SNX1: variants seen among roughly 807,000 people sequenced by gnomAD.
SNX1 encodes the protein sorting nexin-1.
In SNX1, 36 loss-of-function variants were observed where a neutral mutation model predicts 71.8. The ratio of observed to expected loss-of-function variants is 0.50; its 90% CI spans 0.38 to 0.66. The LOEUF is 0.66. Ranked by LOEUF, SNX1 falls within the 30% of genes least tolerant of loss-of-function variation. SNX1 has a pLI of 0.00. For synonymous variants in SNX1, 254 were observed against 240.7 expected, an observed-to-expected ratio of 1.06 and a Z score of -0.51; for missense variants, 612 against 646.7, an observed-to-expected ratio of 0.95 and a Z score of 0.58.
intron 14 of SNX1, 44 bp from the exon 15 acceptor site, chr15:64,137,524 C>T: frequency 1.2e-6 from 2 of 1,612,040 alleles, no homozygotes; most frequent in Non-Finnish European, 1.7e-6. Flanking sequence ...TTAGGCTCTG[C>T]CACTAGGTGG....
At chr15:64,102,316 T>C (rs1172254838) in intron 1 of SNX1, among the ~76,000 whole-genome samples, 2 of 152,200 alleles carry the variant, frequency 1.3e-5, no homozygotes, top group Non-Finnish European at 2.9e-5. Flanking sequence ...GGTATTTTGA[T>C]ATCTGTATAC....
In SNX1 at chr15:64,103,882, CTTAG is replaced by C. The variant is rs554966437; in HGVS notation, c.159+7713_159+7716del. On this transcript the variant is annotated intron_variant, in intron 1 of 14. Coordinates refer to ENST00000559844, the MANE Select transcript of SNX1 (RefSeq NM_003099.5). ...AGTATCTTTAAACAAAGGTGTATCA[CTTAG>C]TTTGTTTAGTTACTAGTTTAGTCAT... Among the ~76,000 whole-genome samples, 513 of 152,248 alleles carry C rather than the reference CTTAG, an allele frequency of 3.4e-3. 4 individuals are homozygous for C. Among genetic ancestry groups the C allele is most frequent in the Non-Finnish European group, 3.3e-3 (222 of 68,022 alleles).
At chr15:64,107,814 A>G (rs2081037600) in intron 1 of SNX1, among the ~76,000 whole-genome samples, 1 of 152,108 alleles carries the variant, frequency 6.6e-6, no homozygotes, top group Non-Finnish European at 1.5e-5. Context: ...TTCATCACAG[A>G]GAATAGTTTC....
rs1199954228 is a variant in SNX1, at chr15:64,095,987, T to G, written c.-27T>G. The G allele has an allele frequency of 1.9e-6, 3 of 1,590,730 alleles. No homozygotes were observed. Among genetic ancestry groups the G allele is most frequent in the Non-Finnish European group, 2.6e-6 (3 of 1,172,540 alleles). The stretch of plus-strand genomic sequence containing the variant: ...CGCTATCTCTCGATAAAGTTGTTGT[T>G]GCGGCTTCCGCCGCGGGTGGAAGAA... On this transcript the variant is annotated 5_prime_UTR_variant, in exon 1 of 15. Coordinates refer to ENST00000559844, the MANE Select transcript of SNX1 (RefSeq NM_003099.5).
rs1479437159 is a variant in SNX1, at chr15:64,141,083, G to A, written c.*3465G>A. The A allele has an allele frequency of 6.6e-6, 1 of 152,144 alleles. No homozygotes were observed. Among genetic ancestry groups the A allele is most frequent in the African/African-American group, 2.4e-5 (1 of 41,412 alleles). The allele number at this position is 152,144 out of a possible 1,614,324, so 9.4% of individuals were successfully genotyped here. ...ATTTGTAGAAACAAGATAGGTTAGAGATACCTGACATAAATAGATACTAAA... is the reference window on the plus strand; with the variant it reads ...ATTTGTAGAAACAAGATAGGTTAGAAATACCTGACATAAATAGATACTAAA... On this transcript the variant is annotated 3_prime_UTR_variant, in exon 15 of 15. Transcript: ENST00000559844. The surrounding 1 kb of genome is among the most constrained non-coding windows in gnomAD (Gnocchi z 5.1).
At position 64,096,158 on chromosome 15, in the gene SNX1, G is replaced by A; in HGVS notation, c.145G>A (p.Gly49Ser). The stretch of plus-strand genomic sequence containing the variant: ...CACCGAGGGGGAGGACATTTTCACC[G>A]GCGCCGCGGTGGTCGTGAGTTTGCA... ...SDTEGEDIFTGAAVVSKHQSP... is the reference protein window; with the variant it reads ...SDTEGEDIFTSAAVVSKHQSP... Residue 49 changes from glycine (G) to serine (S), a missense_variant, in exon 1 of 15, where the codon GGC becomes AGC. Around this residue, in one of 2 missense-constraint regions of SNX1, gnomAD observed 316 missense variants for 284.9 expected, o/e 1.11. Transcript: ENST00000559844. The A allele has an allele frequency of 6.4e-7, 1 of 1,551,562 alleles. No homozygotes were observed.
At chr15:64,114,066 G>A (rs1024515409) in intron 2 of SNX1, among the ~76,000 whole-genome samples, 1 of 152,164 alleles carries the variant, frequency 6.6e-6, no homozygotes, top group Non-Finnish European at 1.5e-5. Context: ...TTAATAATTC[G>A]AGTCTGGATT....
At chr15:64,126,799 T>C (rs1179796276) in intron 6 of SNX1, among the ~76,000 whole-genome samples, 1 of 152,152 alleles carries the variant, frequency 6.6e-6, no homozygotes, top group Non-Finnish European at 1.5e-5. Context: ...AGGATGGTCT[T>C]GATCTCTTGA....
In SNX1 at chr15:64,118,650, GA is replaced by G. The variant is rs1361193322; in HGVS notation, c.400-137del. 3 of 618,812 alleles carry G rather than the reference GA, an allele frequency of 4.8e-6. No homozygotes were observed. The African/African-American group carries it at 5.7e-5, about 12-fold the overall frequency. 38.3% of individuals were successfully genotyped at this position (618,812 alleles called of 1,614,324 possible). On this transcript the variant is annotated intron_variant, in intron 3 of 14. Coordinates refer to ENST00000559844, the MANE Select transcript of SNX1 (RefSeq NM_003099.5). ...AAAATTTTGAGAGTTGGTACATTGG[GA>G]TTGTTGGGAATGGACAAAAGCTGAA... is the stretch of plus-strand genomic sequence containing the variant.
chr15:64,132,808 G>A lies in SNX1; in HGVS notation c.1221+916G>A, dbSNP rs577962833. Among the ~76,000 whole-genome samples the A allele has an allele frequency of 4.6e-5, 7 of 152,344 alleles. No individual in the cohort carries two copies. In the East Asian group the frequency reaches 1.3e-3, roughly 29 times the overall value. The stretch of plus-strand genomic sequence containing the variant: ...CTGTCACTTACCCCGTGGTGGAGAT[G>A]CCTCATAGAGCCTGGAAGGTTGCTC... On this transcript the variant is annotated intron_variant, in intron 11 of 14. Transcript: ENST00000559844.
chr15:64,106,244 T>G (rs1200444111), intron 1 of SNX1, among the ~76,000 whole-genome samples: 1 of 152,178 alleles, frequency 6.6e-6, no homozygotes, highest in Admixed American at 6.5e-5. Context: ...TATAATAATT[T>G]TATTCCCATC....
chr15:64,132,713 G>A (rs910041186), intron 11 of SNX1, among the ~76,000 whole-genome samples: 12 of 152,138 alleles, frequency 7.9e-5, no homozygotes, highest in Admixed American at 2.0e-4. Flanking sequence ...CCCCCCGCTC[G>A]TTCCCCGTCC....
intron 10 of SNX1, among the ~76,000 whole-genome samples, chr15:64,130,979 T>A (rs2081300618): frequency 6.6e-6 from 1 of 152,158 alleles, no homozygotes; most frequent in Non-Finnish European, 1.5e-5. Context: ...TGTGTAGCCT[T>A]CAAAATCTAA....
At chr15:64,132,540 G>A (rs2081317687) in intron 11 of SNX1, among the ~76,000 whole-genome samples, 1 of 152,154 alleles carries the variant, frequency 6.6e-6, no homozygotes, top group African/African-American at 2.4e-5. Context: ...CACTCCTAGT[G>A]ATTAAGGTTA....
At chr15:64,111,092 A>G (rs1350475485) in intron 1 of SNX1, among the ~76,000 whole-genome samples, 1 of 152,244 alleles carries the variant, frequency 6.6e-6, no homozygotes, top group African/African-American at 2.4e-5. Flanking sequence ...GTCAGTAGGA[A>G]GTGAATGAAA....
chr15:64,109,799 G>T (rs892880727), intron 1 of SNX1, among the ~76,000 whole-genome samples: 1 of 152,130 alleles, frequency 6.6e-6, no homozygotes, highest in Non-Finnish European at 1.5e-5. Flanking sequence ...GTCTCCCAAA[G>T]TGCTGGGATT....
At chr15:64,108,224 T>C (rs1188386718) in intron 1 of SNX1, among the ~76,000 whole-genome samples, 4 of 152,052 alleles carry the variant, frequency 2.6e-5, no homozygotes, top group Admixed American at 2.0e-4. Context: ...AAGCAATGCT[T>C]ATTTTTAGTA....
At chr15:64,127,865 C>G (rs745418864) in intron 8 of SNX1, 59 bp downstream of exon 8, 19 of 1,294,748 alleles carry the variant, frequency 1.5e-5, no homozygotes, top group Non-Finnish European at 2.1e-5. Flanking sequence ...TGAAACGAAA[C>G]TAGTTCATTC....
chr15:64,131,728 A>G lies in SNX1; in HGVS notation c.1057A>G (p.Met353Val). The change falls in exon 11 of 15, where the codon ATG becomes GTG. Residue 353 changes from methionine (M) to valine (V), a missense_variant. Met to Val is a conservative substitution (Grantham distance 21, BLOSUM62 1). This residue lies in a region of SNX1 where 296 missense variants were observed against 361.9 expected (regional missense o/e 0.82). Transcript: ENST00000559844. Reference sequence around the variant, plus strand: ...AGCCCAGTTTGCAAAGAGTCTAGCCATGCTTGGGAGCTCTGAGGACAACAC... The same window carrying G: ...AGCCCAGTTTGCAAAGAGTCTAGCCGTGCTTGGGAGCTCTGAGGACAACAC... ...NTAQFAKSLA[M>V]LGSSEDNTAL... 1.2e-6 allele frequency: 2 copies of G among 1,614,168 alleles called. No individual in the cohort carries two copies. The highest frequency in any genetic ancestry group is 1.7e-6 in the Non-Finnish European group (2 of 1,180,046).
Sources: gnomAD v4.1 joint callset for allele counts (sites outside exome capture counted in the v4.1 genomes callset) on GRCh38, gnomAD v4.1.1 for gene constraint, gnomAD v4.1.1 regional missense constraint, Gnocchi (gnomAD v3.1) non-coding constraint, MANE v1.5 for transcripts, NCBI Gene and HGNC (gene_info 2026-07-23, HGNC 2026-07-21) for gene names.